Variants in LHX8 observed in about 807,000 individuals in gnomAD.
LHX8 encodes the protein LIM/homeobox protein Lhx8.
In LHX8, 12 loss-of-function variants were observed where a neutral mutation model predicts 40.3. That is an observed-to-expected ratio of 0.30 (90% confidence interval 0.19 to 0.48). The LOEUF (loss-of-function observed/expected upper bound fraction) is 0.48. Ranked by LOEUF, LHX8 falls within the 20% of genes least tolerant of loss-of-function variation. The pLI is 0.99. For synonymous variants in LHX8, 179 were observed against 162.0 expected (o/e 1.10, Z -0.80); for missense variants, 344 against 433.7 (o/e 0.79, Z 1.84).
chr1:75,138,329 C>G (rs1526502), intron 3 of LHX8, among the ~76,000 whole-genome samples: 1 of 152,020 alleles, frequency 6.6e-6, no homozygotes, highest in African/African-American at 2.4e-5. Flanking sequence ...GTTCAAAATT[C>G]GTGTTAGTGG....
intron 6 of LHX8, among the ~76,000 whole-genome samples, chr1:75,147,762 C>G (rs557030360): frequency 2.3e-4 from 35 of 152,274 alleles, no homozygotes; most frequent in African/African-American, 7.9e-4. Context: ...TCACTTAATT[C>G]TCATAATGAT....
chr1:75,141,061 G>A lies in LHX8; in HGVS notation c.314G>A (p.Cys105Tyr). The change falls in exon 4 of 9, where the codon TGT (cysteine) becomes TAT (tyrosine). Residue 105 changes from cysteine (C) to tyrosine (Y), a missense_variant. Physicochemically the swap from Cys to Tyr is radical, Grantham distance 194. This residue lies in a region of LHX8 where 147 missense variants were observed against 250.8 expected (regional missense o/e 0.59). Transcript: ENST00000356261. ...CRTSLGRHTSCYIKDKDIFCK... is the reference protein window; with the variant it reads ...CRTSLGRHTSYYIKDKDIFCK... ...ACCTCCCTAGGAAGGCACACCAGCT[G>A]TTATATTAAAGACAAAGACATTTTC... 1.2e-6 allele frequency: 2 copies of A among 1,613,554 alleles called. No individual in the cohort carries two copies. The highest frequency in any genetic ancestry group is 1.7e-6 in the Non-Finnish European group (2 of 1,179,614).
chr1:75,139,847 G>A (rs995365686), intron 3 of LHX8, among the ~76,000 whole-genome samples: 4 of 152,120 alleles, frequency 2.6e-5, no homozygotes, highest in Admixed American at 2.0e-4. Context: ...ATGTTGGACC[G>A]TAGTTCTAAT....
At chr1:75,154,749 A>T (rs7524020) in intron 7 of LHX8, among the ~76,000 whole-genome samples, 34,151 of 152,024 alleles carry the variant, frequency 0.22, 4,436 homozygotes, top group Middle Eastern at 0.34. Flanking sequence ...ACTCCAGAGA[A>T]CAGGGATGTG....
chr1:75,150,135 G>C, intron 7 of LHX8, among the ~76,000 whole-genome samples: 1 of 152,186 alleles, frequency 6.6e-6, no homozygotes, highest in Non-Finnish European at 1.5e-5. Flanking sequence ...CTACTTGGGA[G>C]GCTGAGGTGG....
intron 4 of LHX8, among the ~76,000 whole-genome samples, chr1:75,141,311 A>G (rs1453644506): frequency 6.6e-6 from 1 of 152,180 alleles, no homozygotes; most frequent in African/African-American, 2.4e-5. Context: ...TCAGTAGACA[A>G]AAGTTAATTT....
chr1:75,196,389 C>T, the LHX8 span, among the ~76,000 whole-genome samples: 1 of 152,070 alleles, frequency 6.6e-6, no homozygotes, highest in African/African-American at 2.4e-5. Flanking sequence ...CTGGGTGGTA[C>T]TGGCAGGAAT....
chr1:75,141,203 A>T, intron 4 of LHX8, 97 bp downstream of exon 4: 1 of 1,335,550 alleles, frequency 7.5e-7, no homozygotes, highest in Non-Finnish European at 1.0e-6. Context: ...TTATTTAATG[A>T]AGCCCAGTTT....
At chr1:75,194,341 G>T in the LHX8 span, among the ~76,000 whole-genome samples, 1 of 152,286 alleles carries the variant, frequency 6.6e-6, no homozygotes, top group East Asian at 1.9e-4. Context: ...GCCACTGAGG[G>T]TGTCCACTGC....
chr1:75,149,341 A>T (rs12138223), intron 7 of LHX8, among the ~76,000 whole-genome samples: 33,788 of 152,216 alleles, frequency 0.22, 4,337 homozygotes, highest in Middle Eastern at 0.34. Context: ...GAGTTCTCTT[A>T]TGAGCAGGTA....
At chr1:75,162,520 A>G (rs1484760504), downstream of LHX8, among the ~76,000 whole-genome samples, 1 of 152,098 alleles carries the variant, frequency 6.6e-6, no homozygotes, top group Non-Finnish European at 1.5e-5. Context: ...GTGAGTATTC[A>G]TTTTTATTTG....
the LHX8 span, among the ~76,000 whole-genome samples, chr1:75,184,627 G>A: frequency 6.6e-6 from 1 of 152,072 alleles, no homozygotes; most frequent in South Asian, 2.1e-4. Context: ...AGTGGTAAGA[G>A]GGATATTTAT....
intron 3 of LHX8, among the ~76,000 whole-genome samples, chr1:75,138,764 G>GGAAA (rs1402135628): frequency 1.3e-5 from 2 of 152,040 alleles, no homozygotes; most frequent in Non-Finnish European, 2.9e-5. Context: ...ATAGATAATA[G>GGAAA]TTTCTAGTGT....
At chr1:75,179,858 T>C in the LHX8 span, among the ~76,000 whole-genome samples, 1 of 152,180 alleles carries the variant, frequency 6.6e-6, no homozygotes, top group Non-Finnish European at 1.5e-5. Context: ...TAGTGCTTCC[T>C]TCAGGAGCTC....
At chr1:75,143,068 A>G in intron 4 of LHX8, 50 bp from the exon 5 acceptor site, 7 of 1,406,212 alleles carry the variant, frequency 5.0e-6, no homozygotes, top group Non-Finnish European at 7.0e-6. Context: ...ACTGATGAAT[A>G]TCTCACCAGG....
chr1:75,155,230 CTTTTTTTTTTT>C (rs57009636), intron 7 of LHX8, among the ~76,000 whole-genome samples: 1 of 94,364 alleles, frequency 1.1e-5, no homozygotes, highest in Admixed American at 1.4e-4. Flanking sequence ...GAAACACTCT[CTTTTTTTTTTT>C]TTTTTTTTTT....
chr1:75,173,081 G>A, the LHX8 span, among the ~76,000 whole-genome samples: 1 of 152,188 alleles, frequency 6.6e-6, no homozygotes. Flanking sequence ...TGCTCAACCT[G>A]TTCTGGGAGT....
chr1:75,162,901 GC>G (rs1196370096), downstream of LHX8, among the ~76,000 whole-genome samples: 6 of 152,108 alleles, frequency 3.9e-5, no homozygotes, highest in Non-Finnish European at 8.8e-5. Context: ...AGTATGGTCA[GC>G]TTTTGTGAAG....
At chr1:75,181,506 G>C in the LHX8 span, among the ~76,000 whole-genome samples, 1 of 152,218 alleles carries the variant, frequency 6.6e-6, no homozygotes, top group African/African-American at 2.4e-5. Flanking sequence ...CTCTGAGCCA[G>C]GCACGGGATA....
Sources: allele counts gnomAD v4.1 joint callset (sites outside exome capture counted in the v4.1 genomes callset), GRCh38; gene constraint gnomAD v4.1.1; regional missense constraint gnomAD v4.1.1; transcripts MANE v1.5; gene names NCBI Gene and HGNC (gene_info 2026-07-23, HGNC 2026-07-21).